Variants in HPSE observed in about 807,000 individuals in gnomAD.
HPSE encodes endo-glucoronidase.
A neutral mutation model predicts 65.1 loss-of-function variants in HPSE; 48 were observed. That is an observed-to-expected ratio of 0.74 (90% CI 0.58 to 0.94). The LOEUF is 0.94. HPSE is among the 40% of genes least tolerant of loss of function. HPSE has a pLI of 0.00. For synonymous variants in HPSE, 243 were observed against 260.0 expected (o/e 0.93, Z 0.63); for missense variants, 644 against 637.5 (o/e 1.01, Z -0.11).
Position 83,310,899 on chromosome 4 carries a change from C to T in HPSE, c.674-9G>A, listed in dbSNP as rs770790980. The T allele has an allele frequency of 1.9e-6, 3 of 1,596,042 alleles. No homozygotes were observed. The highest frequency in any genetic ancestry group is 2.6e-6 in the Non-Finnish European group (3 of 1,167,672). ...AAGGAAACTGTTAGGTTCTGAAAGA[C>T]AGCAATTCTCAAAATATATATCGAG... On this transcript the variant is annotated splice_polypyrimidine_tract_variant and intron_variant, in intron 4 of 11. Coordinates refer to ENST00000311412, the MANE Select transcript of HPSE (RefSeq NM_001098540.3).
At chr4:83,328,604 TTGA>T (rs1272073467) in intron 1 of HPSE, among the ~76,000 whole-genome samples, 9 of 152,188 alleles carry the variant, frequency 5.9e-5, no homozygotes, top group Non-Finnish European at 1.2e-4. Flanking sequence ...AGGAAGGCCA[TTGA>T]TGATGTCGGA....
chr4:83,335,070 A>G, upstream of HPSE: 1 of 405,972 alleles, frequency 2.5e-6, no homozygotes, highest in Non-Finnish European at 4.3e-6. Flanking sequence ...ACCCACTTGA[A>G]GGGTGCGGAG....
intron 9 of HPSE, among the ~76,000 whole-genome samples, chr4:83,302,819 C>CA (rs1578006154): frequency 6.6e-6 from 1 of 151,828 alleles, no homozygotes; most frequent in Admixed American, 6.6e-5. Context: ...ACACAAAATA[C>CA]AAAAAATTAG....
At position 83,294,824 on chromosome 4, in the gene HPSE, G is replaced by A. The variant is rs1735664573; in HGVS notation, c.*520C>T. On this transcript the variant is annotated 3_prime_UTR_variant, in exon 12 of 12. Coordinates refer to ENST00000311412, the MANE Select transcript of HPSE (RefSeq NM_001098540.3). Reference sequence around the variant, plus strand: ...AATCCCAGCACTTTGAGAGGCTGAGGCGGGTGGATCACTTGAGGACAGGAG... The same window carrying A: ...AATCCCAGCACTTTGAGAGGCTGAGACGGGTGGATCACTTGAGGACAGGAG... The A allele has an allele frequency of 6.6e-6, 1 of 152,298 alleles. No individual in the cohort carries two copies. Among genetic ancestry groups the A allele is most frequent in the Non-Finnish European group, 1.5e-5 (1 of 68,130 alleles). 9.4% of individuals were successfully genotyped at this position (152,298 alleles called of 1,614,324 possible).
At position 83,313,178 on chromosome 4, in the gene HPSE, A is replaced by T. The variant is rs1434706973; in HGVS notation, c.609T>A (p.Asn203Lys). The change falls in exon 4 of 12, where the codon AAT becomes AAA. Residue 203 changes from asparagine (N) to lysine (K), a missense_variant. Asn to Lys is a moderately conservative substitution (Grantham distance 94). Transcript: ENST00000311412. The part of the protein sequence containing the change: ...RTADLQWNSS[N>K]AQLLLDYCSS... The stretch of plus-strand genomic sequence containing the variant: ...AGCAGTAGTCCAGGAGCAACTGAGC[A>T]TTAGAACTGTTCCACTGCAAATCTG... The T allele has an allele frequency of 5.6e-6, 9 of 1,613,932 alleles. No homozygotes were observed. The highest frequency in any genetic ancestry group is 1.3e-5 in the African/African-American group (1 of 74,946).
intron 10 of HPSE, among the ~76,000 whole-genome samples, chr4:83,301,778 T>G (rs1735957524): frequency 6.6e-6 from 1 of 152,206 alleles, no homozygotes; most frequent in African/African-American, 2.4e-5. Flanking sequence ...AGTATGAGGC[T>G]ACAAAAATCT....
intron 1 of HPSE, among the ~76,000 whole-genome samples, chr4:83,331,211 A>G (rs547083694): frequency 6.6e-5 from 10 of 152,266 alleles, no homozygotes; most frequent in South Asian, 2.1e-4. Flanking sequence ...TCGGAAAAAA[A>G]AAAGAAAGAA....
intron 3 of HPSE, among the ~76,000 whole-genome samples, chr4:83,318,641 C>T (rs6845904): frequency 0.8 from 118,956 of 149,386 alleles, 47,424 homozygotes; most frequent in East Asian, 0.87. Context: ...ACCTGGGAGG[C>T]GGAGGTTGCA....
chr4:83,304,355 A>C (rs1289533986), intron 9 of HPSE, among the ~76,000 whole-genome samples: 3 of 152,192 alleles, frequency 2.0e-5, no homozygotes, highest in Non-Finnish European at 4.4e-5. Flanking sequence ...CAAATGGAGA[A>C]GGACAGAGAA....
At chr4:83,299,320 T>C (rs9307822) in intron 11 of HPSE, among the ~76,000 whole-genome samples, 95,141 of 141,502 alleles carry the variant, frequency 0.67, 32,265 homozygotes, top group East Asian at 0.87. Flanking sequence ...GCCTAGATCA[T>C]GCCACTGCAC....
chr4:83,333,221 A>G (rs1737469206), intron 1 of HPSE, among the ~76,000 whole-genome samples: 2 of 152,226 alleles, frequency 1.3e-5, no homozygotes, highest in Admixed American at 6.5e-5. Context: ...AACACTTACT[A>G]TGGGTCAAAC....
intron 11 of HPSE, among the ~76,000 whole-genome samples, chr4:83,296,427 A>C (rs1317313868): frequency 6.6e-6 from 1 of 152,202 alleles, no homozygotes; most frequent in East Asian, 1.9e-4. Flanking sequence ...TAATCCCAGC[A>C]CTTTGGGAGG....
chr4:83,316,350 C>A (rs11938799), intron 3 of HPSE, among the ~76,000 whole-genome samples: 116,776 of 149,528 alleles, frequency 0.78, 45,588 homozygotes, highest in East Asian at 0.86. Context: ...AAAAAAAAAA[C>A]AAAAAAAACA....
intron 4 of HPSE, among the ~76,000 whole-genome samples, chr4:83,312,035 T>C (rs7659933): frequency 0.8 from 121,155 of 152,086 alleles, 48,422 homozygotes; most frequent in East Asian, 0.87. Flanking sequence ...TTCTAGACCG[T>C]TTGGGCAGGT....
chr4:83,307,383 T>C (rs536437852), intron 8 of HPSE, among the ~76,000 whole-genome samples: 1 of 152,084 alleles, frequency 6.6e-6, no homozygotes, highest in East Asian at 1.9e-4. Context: ...TATAAATAAG[T>C]CATTTAAATG....
chr4:83,300,348 CT>C (rs1735891819), intron 11 of HPSE, among the ~76,000 whole-genome samples: 1 of 152,140 alleles, frequency 6.6e-6, no homozygotes, highest in African/African-American at 2.4e-5. Flanking sequence ...GTATATTTTG[CT>C]TTAGTGAATG....
chr4:83,300,913 C>T (rs761703577), intron 11 of HPSE, 47 bp downstream of exon 11: 2 of 1,320,244 alleles, frequency 1.5e-6, no homozygotes, highest in Middle Eastern at 2.2e-4. Context: ...CTGATAAACA[C>T]CAATAAATTT....
At chr4:83,328,188 T>C (rs542637529) in intron 1 of HPSE, among the ~76,000 whole-genome samples, 2 of 152,330 alleles carry the variant, frequency 1.3e-5, no homozygotes, top group South Asian at 2.1e-4. Context: ...AGAAATGTAT[T>C]GTCTTACAGT....
intron 1 of HPSE, among the ~76,000 whole-genome samples, chr4:83,328,940 A>G (rs923508917): frequency 8.5e-5 from 13 of 152,204 alleles, no homozygotes; most frequent in African/African-American, 3.1e-4. Context: ...CTTAGGCATG[A>G]CATGTCTGCA....
Sources: gnomAD v4.1 joint callset for allele counts (sites outside exome capture counted in the v4.1 genomes callset) on GRCh38, gnomAD v4.1.1 for gene constraint, MANE v1.5 for transcripts, NCBI Gene and HGNC (gene_info 2026-07-23, HGNC 2026-07-21) for gene names.